RBFOX1: variants seen among roughly 807,000 people sequenced by gnomAD.
RBFOX1 encodes the protein RNA binding fox-1 homolog 1.
A neutral mutation model predicts 57.7 loss-of-function variants in RBFOX1; 8 were observed. The ratio of observed to expected loss-of-function variants is 0.14; its 90% CI spans 0.08 to 0.25. The LOEUF (loss-of-function observed/expected upper bound fraction) is 0.25. Ranked by LOEUF, RBFOX1 falls within the 10% of genes least tolerant of loss-of-function variation. RBFOX1 has a pLI of 1.00. For missense variants in RBFOX1, 611 were observed against 548.5 expected, an observed-to-expected ratio of 1.11 and a Z score of -1.14; for synonymous variants, 326 against 222.4, an observed-to-expected ratio of 1.47 and a Z score of -4.15.
At chr16:6,797,919 C>G (rs185549423) in intron 3 of RBFOX1, among the ~76,000 whole-genome samples, 1 of 151,938 alleles carries the variant, frequency 6.6e-6, no homozygotes, top group South Asian at 2.1e-4. Flanking sequence ...CTTTCTGTGT[C>G]AGTATTTTCT....
chr16:6,077,035 C>G (rs1007551525), intron 1 of RBFOX1, among the ~76,000 whole-genome samples: 9 of 152,174 alleles, frequency 5.9e-5, no homozygotes, highest in African/African-American at 1.9e-4. Context: ...AGATGAAGCG[C>G]TCGGCAAATG....
At chr16:6,250,259 G>A (rs2097598034) in intron 1 of RBFOX1, among the ~76,000 whole-genome samples, 1 of 152,026 alleles carries the variant, frequency 6.6e-6, no homozygotes, top group African/African-American at 2.4e-5. Context: ...TCAAACTCAG[G>A]CTAGGTGCTC....
chr16:6,548,257 A>C (rs1321442097), intron 2 of RBFOX1, among the ~76,000 whole-genome samples: 2 of 152,172 alleles, frequency 1.3e-5, no homozygotes, highest in African/African-American at 2.4e-5. Context: ...GATGTCAGCA[A>C]CTGTCAAAAA....
chr16:7,278,216 T>C (rs1459346416), intron 4 of RBFOX1, among the ~76,000 whole-genome samples: 1 of 152,198 alleles, frequency 6.6e-6, no homozygotes, highest in Non-Finnish European at 1.5e-5. Flanking sequence ...TTCAACAAAT[T>C]AACCAGTTGC....
chr16:5,348,551 A>G (rs2065193434), intron 1 of RBFOX1, among the ~76,000 whole-genome samples: 1 of 152,166 alleles, frequency 6.6e-6, no homozygotes, highest in African/African-American at 2.4e-5. Context: ...CTGGGTTCAA[A>G]CCTAGGTTGG....
intron 1 of RBFOX1, among the ~76,000 whole-genome samples, chr16:6,298,470 C>G (rs747605807): frequency 1.8e-4 from 28 of 152,200 alleles, no homozygotes; most frequent in Non-Finnish European, 3.4e-4. Flanking sequence ...ACAAAGTGTG[C>G]TTTGTTTATA....
At chr16:6,589,180 G>C (rs1368297912) in intron 2 of RBFOX1, among the ~76,000 whole-genome samples, 6 of 152,110 alleles carry the variant, frequency 3.9e-5, no homozygotes, top group African/African-American at 1.4e-4. Flanking sequence ...TGCCAGAAAA[G>C]AAACTATTTT....
At chr16:6,594,649 G>A (rs1351563061) in intron 2 of RBFOX1, among the ~76,000 whole-genome samples, 2 of 151,852 alleles carry the variant, frequency 1.3e-5, no homozygotes, top group African/African-American at 4.8e-5. Context: ...GTATGTTCAG[G>A]TTGTGGATTG....
Position 5,632,909 on chromosome 16 carries a change from C to T in RBFOX1, c.318+33948C>T, listed in dbSNP as rs535164659. ...GGGCTGGGAACACAACCCAGGTCAC[C>T]TGATTCCTGGGCTTGCAATCTTAAC... On this transcript the variant is annotated intron_variant, in intron 3 of 19. Coordinates refer to the RBFOX1 transcript ENST00000641259. Among the ~76,000 whole-genome samples the T allele has an allele frequency of 9.3e-5, 14 of 149,944 alleles. No homozygotes were observed. The South Asian group carries it at 2.1e-3, about 23-fold the overall frequency.
intron 1 of RBFOX1, among the ~76,000 whole-genome samples, chr16:6,086,532 A>T (rs1199055417): frequency 6.6e-6 from 1 of 152,210 alleles, no homozygotes; most frequent in Non-Finnish European, 1.5e-5. Flanking sequence ...GCTTAAACAT[A>T]AACCAGCAGT....
chr16:6,457,835 A>G (rs1423027788), intron 2 of RBFOX1, among the ~76,000 whole-genome samples: 2 of 152,186 alleles, frequency 1.3e-5, no homozygotes, highest in African/African-American at 4.8e-5. Context: ...TTGTAAATTC[A>G]GCGCCTTGGA....
chr16:7,332,926 G>C (rs777166904), intron 4 of RBFOX1: 5 of 1,604,220 alleles, frequency 3.1e-6, no homozygotes, highest in Non-Finnish European at 4.3e-6. Flanking sequence ...TTCGGAAGAA[G>C]TTGGGTCTAT....
intron 4 of RBFOX1, among the ~76,000 whole-genome samples, chr16:7,393,439 G>T (rs1597319115): frequency 6.6e-6 from 1 of 152,078 alleles, no homozygotes; most frequent in Non-Finnish European, 1.5e-5. Context: ...ACACTTATAG[G>T]AGCACACTTT....
intron 3 of RBFOX1, among the ~76,000 whole-genome samples, chr16:6,783,542 G>T (rs1024200430): frequency 1.3e-5 from 2 of 151,514 alleles, no homozygotes; most frequent in Non-Finnish European, 2.9e-5. Flanking sequence ...TAAATTCTAC[G>T]CTTTATCTCC....
At chr16:6,043,772 T>G (rs1312842935) in intron 1 of RBFOX1, among the ~76,000 whole-genome samples, 1 of 152,160 alleles carries the variant, frequency 6.6e-6, no homozygotes, top group Non-Finnish European at 1.5e-5. Flanking sequence ...GATTGTCAGC[T>G]GAGTTCTGCT....
In RBFOX1 at chr16:5,394,269, G is replaced by A. The variant is rs1010316563; in HGVS notation, c.220-72947G>A. 5.9e-5 allele frequency among the ~76,000 whole-genome samples: 9 copies of A among 152,188 alleles called. No individual in the cohort carries two copies. In the East Asian group the frequency reaches 1.7e-3, roughly 29 times the overall value. On this transcript the variant is annotated intron_variant, in intron 1 of 2. Coordinates refer to the RBFOX1 transcript ENST00000585867. ...AAACTCCTGAACTCGTGATCTGCCCGCCTCAGCCTCTCAAAGTGCTGGGAT... is the reference window on the plus strand; with the variant it reads ...AAACTCCTGAACTCGTGATCTGCCCACCTCAGCCTCTCAAAGTGCTGGGAT...
chr16:6,923,131 G>C (rs2074846202), intron 3 of RBFOX1, among the ~76,000 whole-genome samples: 1 of 152,182 alleles, frequency 6.6e-6, no homozygotes, highest in Non-Finnish European at 1.5e-5. Context: ...AAAGGAGATA[G>C]GAAAGCAGCT....
intron 1 of RBFOX1, among the ~76,000 whole-genome samples, chr16:6,074,369 C>G (rs2095871758): frequency 6.6e-6 from 1 of 152,138 alleles, no homozygotes; most frequent in Non-Finnish European, 1.5e-5. Context: ...CCCCTTATAG[C>G]TCTGCAGATA....
rs1228138617 is a variant in RBFOX1 at position 5,917,227 on chromosome 16, G to C, written c.351+49892G>C. Among the ~76,000 whole-genome samples the C allele has an allele frequency of 5.3e-5, 8 of 152,168 alleles. No individual in the cohort carries two copies. In the East Asian group the frequency reaches 1.5e-3, roughly 29 times the overall value. ...CTTTGAATCCACACCCCAGAGGAGA[G>C]ACTTGCTAAAGGGCTCCAGTGTTTT... is the stretch of plus-strand genomic sequence containing the variant. On this transcript the variant is annotated intron_variant, in intron 4 of 19. Transcript: ENST00000641259.
Sources: allele counts gnomAD v4.1 joint callset (sites outside exome capture counted in the v4.1 genomes callset), GRCh38; gene constraint gnomAD v4.1.1; transcripts MANE v1.5; gene names NCBI Gene and HGNC (gene_info 2026-07-23, HGNC 2026-07-21).